FOXP1: variants seen among roughly 807,000 people sequenced by gnomAD.
The protein encoded by FOXP1 is forkhead box P1.
FOXP1 carries 15 observed loss-of-function variants against 98.2 expected under a neutral mutation model. That is an observed-to-expected ratio of 0.15 (90% confidence interval 0.10 to 0.24). The LOEUF (loss-of-function observed/expected upper bound fraction) is 0.24. Ranked by LOEUF, FOXP1 falls within the 10% of genes least tolerant of loss-of-function variation. FOXP1 has a pLI of 1.00. For synonymous variants in FOXP1, 371 were observed against 314.5 expected (o/e 1.18, Z -1.90); for missense variants, 633 against 848.5 (o/e 0.75, Z 3.15).
intron 5 of FOXP1, among the ~76,000 whole-genome samples, chr3:71,259,348 C>CT (rs2068902767): frequency 1.3e-5 from 2 of 152,264 alleles, no homozygotes; most frequent in African/African-American, 4.8e-5. Context: ...TGCAGTATAT[C>CT]TTTGTAAGGT....
chr3:71,028,923 G>C (rs944816225), intron 11 of FOXP1, among the ~76,000 whole-genome samples: 3 of 152,212 alleles, frequency 2.0e-5, no homozygotes, highest in South Asian at 2.1e-4. Flanking sequence ...GCTCCTGTGA[G>C]AATCTAATGC....
At chr3:71,341,236 C>G (rs1472884314) in intron 4 of FOXP1, among the ~76,000 whole-genome samples, 5 of 152,084 alleles carry the variant, frequency 3.3e-5, no homozygotes, top group Admixed American at 2.6e-4. Flanking sequence ...TAAAACATGG[C>G]TCAGTAAATT....
rs139000152 is a variant in FOXP1, at chr3:71,084,008, T to G, written c.282+28528A>C. On this transcript the variant is annotated intron_variant, in intron 7 of 20. Coordinates refer to ENST00000649528, the MANE Select transcript of FOXP1 (RefSeq NM_001349338.3). ...CAAATTACAAGGCACACCATTGCAG[T>G]TGCAAATCTTGGTTCATCTGATGCC... Among the ~76,000 whole-genome samples, 30 of 152,310 alleles carry G rather than the reference T, an allele frequency of 2.0e-4. 1 individual carries two copies. The highest frequency in any genetic ancestry group is 6.0e-4 in the African/African-American group (25 of 41,560).
intron 4 of FOXP1, among the ~76,000 whole-genome samples, chr3:71,310,977 A>G (rs1012164225): frequency 6.6e-6 from 1 of 152,244 alleles, no homozygotes; most frequent in East Asian, 1.9e-4. Context: ...TAGGCAACAG[A>G]TAAGTCGTAT....
At chr3:71,357,157 G>T (rs556305377) in intron 4 of FOXP1, among the ~76,000 whole-genome samples, 2 of 152,292 alleles carry the variant, frequency 1.3e-5, no homozygotes, top group East Asian at 1.9e-4. Flanking sequence ...AACAGAATTG[G>T]GTGTGAGTGC....
At chr3:71,094,424 C>A (rs141624477) in intron 7 of FOXP1, among the ~76,000 whole-genome samples, 2 of 151,886 alleles carry the variant, frequency 1.3e-5, no homozygotes, top group East Asian at 3.9e-4. Flanking sequence ...GGACTACAGG[C>A]GCACGCCACC....
chr3:71,504,939 T>C (rs1002763532), intron 2 of FOXP1, among the ~76,000 whole-genome samples: 1 of 152,194 alleles, frequency 6.6e-6, no homozygotes, highest in Non-Finnish European at 1.5e-5. Context: ...CACCCTCTTA[T>C]TAAGCCTTAT....
intron 3 of FOXP1, among the ~76,000 whole-genome samples, chr3:71,451,785 A>G (rs544808134): frequency 6.6e-6 from 1 of 152,306 alleles, no homozygotes; most frequent in South Asian, 2.1e-4. Context: ...TGTGTAGAAA[A>G]TACTAGAACC....
chr3:71,217,202 A>C (rs995736551), intron 5 of FOXP1, among the ~76,000 whole-genome samples: 1 of 152,110 alleles, frequency 6.6e-6, no homozygotes, highest in African/African-American at 2.4e-5. Context: ...CCTCCCGAAT[A>C]GCTGGGATTA....
At chr3:71,245,392 T>C (rs1440746351) in intron 5 of FOXP1, 1 of 149,332 alleles carries the variant, frequency 6.7e-6, no homozygotes, top group Admixed American at 6.7e-5. Flanking sequence ...CTCCTCCTCC[T>C]TTTTTTTTTC....
intron 2 of FOXP1, chr3:71,572,705 C>CAG (rs1286506654): frequency 1.3e-5 from 2 of 152,152 alleles, no homozygotes; most frequent in African/African-American, 4.8e-5. Flanking sequence ...GAAAGAAGGA[C>CAG]AGAGGTAAGA....
chr3:71,103,523 A>T (rs867092853), intron 7 of FOXP1, among the ~76,000 whole-genome samples: 7 of 152,140 alleles, frequency 4.6e-5, no homozygotes, highest in African/African-American at 1.7e-4. Context: ...GGGGAGTGCG[A>T]CTACCTCCAT....
chr3:71,216,872 T>C (rs2064976437), intron 5 of FOXP1, among the ~76,000 whole-genome samples: 1 of 152,020 alleles, frequency 6.6e-6, no homozygotes, highest in Non-Finnish European at 1.5e-5. Flanking sequence ...CTGAGGACCA[T>C]TTTGGTTGTC....
intron 2 of FOXP1, among the ~76,000 whole-genome samples, chr3:71,518,850 A>G (rs2042768636): frequency 6.6e-6 from 1 of 152,228 alleles, no homozygotes; most frequent in Non-Finnish European, 1.5e-5. Flanking sequence ...ATGAACTTCT[A>G]ACGAGATGCC....
chr3:71,032,204 T>C (rs142590671), intron 11 of FOXP1, among the ~76,000 whole-genome samples: 1 of 152,238 alleles, frequency 6.6e-6, no homozygotes, highest in African/African-American at 2.4e-5. Flanking sequence ...CTGAACAAGC[T>C]GTAAAACTCT....
At chr3:71,406,405 G>GTATGTATATA (rs2082336447) in intron 3 of FOXP1, among the ~76,000 whole-genome samples, 54 of 105,914 alleles carry the variant, frequency 5.1e-4, no homozygotes, top group Non-Finnish European at 8.7e-4. Context: ...AACTGTATGT[G>GTATGTATATA]TATATATATA....
At chr3:71,075,717 T>G (rs201438729) in intron 7 of FOXP1, among the ~76,000 whole-genome samples, 18 of 5,816 alleles carry the variant, frequency 3.1e-3, no homozygotes, top group African/African-American at 8.5e-3. Context: ...GTTTTTTTTG[T>G]TTTTTTTTTT....
chr3:71,059,542 C>T (rs1255442624), intron 7 of FOXP1, among the ~76,000 whole-genome samples: 4 of 152,114 alleles, frequency 2.6e-5, no homozygotes, highest in Non-Finnish European at 5.9e-5. Context: ...ACAATGGAAG[C>T]TACACATGAA....
At chr3:71,309,282 A>G (rs903418320) in intron 4 of FOXP1, among the ~76,000 whole-genome samples, 11 of 152,180 alleles carry the variant, frequency 7.2e-5, no homozygotes, top group African/African-American at 2.4e-4. Flanking sequence ...GGTCGAAATC[A>G]CTGCGCTAAG....
Sources: gnomAD v4.1 joint callset for allele counts (sites outside exome capture counted in the v4.1 genomes callset) on GRCh38, gnomAD v4.1.1 for gene constraint, MANE v1.5 for transcripts, NCBI Gene and HGNC (gene_info 2026-07-23, HGNC 2026-07-21) for gene names.